Variants in SAXO2 observed in about 807,000 individuals in gnomAD.
SAXO2 encodes the protein family with sequence similarity 154, member B.
In SAXO2, 17 loss-of-function variants were observed where a neutral mutation model predicts 18.7. That is an observed-to-expected ratio of 0.91 (90% CI 0.62 to 1.36). The LOEUF is 1.36. SAXO2 is among the 40% of genes most tolerant of loss of function. The probability of loss-of-function intolerance (pLI) is 0.00; values close to 1 mark genes in which losing one functional copy is unlikely to be tolerated. For synonymous variants in SAXO2, 163 were observed against 181.2 expected, an observed-to-expected ratio of 0.90 and a Z score of 0.81; for missense variants, 486 against 562.6, an observed-to-expected ratio of 0.86 and a Z score of 1.38.
chr15:82,271,616 C>A lies in SAXO2; in HGVS notation c.247C>A (p.Pro83Thr). The A allele has an allele frequency of 6.2e-7, 1 of 1,612,078 alleles. No individual in the cohort carries two copies. The highest frequency in any genetic ancestry group is 1.1e-5 in the South Asian group (1 of 90,562). ...GITTFKSDYCPYEIVKQPRHV... is the reference protein window; with the variant it reads ...GITTFKSDYCTYEIVKQPRHV... Reference sequence around the variant, plus strand: ...TATATATTTCAGGTCGGATTATTGTCCTTATGAAATAGTTAAACAGCCTCG... The same window carrying A: ...TATATATTTCAGGTCGGATTATTGTACTTATGAAATAGTTAAACAGCCTCG... Residue 83 changes from proline to threonine, a missense_variant, in exon 3 of 4, where the codon CCT becomes ACT. Physicochemically the swap from Pro to Thr is conservative, Grantham distance 38. Coordinates refer to ENST00000682753, the MANE Select transcript of SAXO2 (RefSeq NM_001348699.2).
intron 3 of SAXO2, among the ~76,000 whole-genome samples, chr15:82,275,992 G>T (rs957639388): frequency 6.6e-6 from 1 of 152,088 alleles, no homozygotes; most frequent in Non-Finnish European, 1.5e-5. Context: ...ATTTATACAT[G>T]GGAAACCCTA....
At position 82,283,074 on chromosome 15, in the gene SAXO2, T is replaced by G; in HGVS notation, c.*12T>G. The G allele has an allele frequency of 1.3e-6, 2 of 1,561,924 alleles. No homozygotes were observed. Among genetic ancestry groups the G allele is most frequent in the Non-Finnish European group, 1.7e-6 (2 of 1,156,226 alleles). ...TGAAGGCCTTCTAATAACCAAAATG[T>G]GCTTAAAAGGAAGGTACTAGCAAGT... On this transcript the variant is annotated 3_prime_UTR_variant, in exon 4 of 4. Transcript: ENST00000682753.
chr15:82,283,188 T>G lies in SAXO2; in HGVS notation c.*126T>G. ...TTTTTATATTTTTAAACAAGAAAAT[T>G]GGAAAATATATTATAAGAAATCAGA... On this transcript the variant is annotated 3_prime_UTR_variant, in exon 4 of 4. Coordinates refer to ENST00000682753, the MANE Select transcript of SAXO2 (RefSeq NM_001348699.2). The G allele has an allele frequency of 1.7e-6, 1 of 595,028 alleles. No individual in the cohort carries two copies. The highest frequency in any genetic ancestry group is 3.4e-5 in the East Asian group (1 of 29,022). 36.9% of individuals were successfully genotyped at this position (595,028 alleles called of 1,614,324 possible).
At chr15:82,282,079 C>T in intron 3 of SAXO2, 40 bp from the exon 4 acceptor site, 1 of 1,491,800 alleles carries the variant, frequency 6.7e-7, no homozygotes. Context: ...TTGTTTTCTT[C>T]AGCATTTAAA....
chr15:82,269,485 A>G (rs921142631), intron 2 of SAXO2, among the ~76,000 whole-genome samples: 2 of 152,212 alleles, frequency 1.3e-5, no homozygotes, highest in African/African-American at 4.8e-5. Flanking sequence ...AGTTGAGGCT[A>G]GTGAAGAAGA....
chr15:82,270,641 G>A (rs995431037), intron 2 of SAXO2, among the ~76,000 whole-genome samples: 18 of 152,164 alleles, frequency 1.2e-4, no homozygotes, highest in African/African-American at 4.1e-4. Flanking sequence ...ATCACAAAAT[G>A]AGTCACGTGT....
rs1352863533 is a variant in SAXO2, at chr15:82,282,420, G to A, written c.735G>A (p.Arg245=). 1.9e-6 allele frequency: 3 copies of A among 1,614,044 alleles called. No homozygotes were observed. The highest frequency in any genetic ancestry group is 2.5e-6 in the Non-Finnish European group (3 of 1,180,040). The change falls in exon 4 of 4, where the codon CGG becomes CGA. Residue 245 remains arginine, a synonymous_variant. Transcript: ENST00000682753. Reference sequence around the variant, plus strand: ...GCTTTGAGGATCTCACAACTCACCGGTGTGACTTTCAGGGTCTCATTGGTG... The same window carrying A: ...GCTTTGAGGATCTCACAACTCACCGATGTGACTTTCAGGGTCTCATTGGTG... ...DQRFEDLTTH[R]CDFQGLIGET... is the part of the protein sequence containing the mutation.
intron 1 of SAXO2, among the ~76,000 whole-genome samples, chr15:82,265,055 C>T (rs2075201849): frequency 6.6e-6 from 1 of 152,222 alleles, no homozygotes; most frequent in African/African-American, 2.4e-5. Context: ...CACTTAATTG[C>T]TGTGCTTCCA....
At chr15:82,272,591 G>C (rs879697570) in intron 3 of SAXO2, among the ~76,000 whole-genome samples, 1 of 152,212 alleles carries the variant, frequency 6.6e-6, no homozygotes, top group Non-Finnish European at 1.5e-5. Context: ...ACCCAGGCTG[G>C]AGTGCAGTGG....
At chr15:82,265,895 G>T in intron 2 of SAXO2, 147 bp downstream of exon 2, 11 of 353,126 alleles carry the variant, frequency 3.1e-5, no homozygotes, top group East Asian at 5.1e-5. Context: ...GTCACAACTT[G>T]AAAAAAAAAA....
At position 82,283,378 on chromosome 15, in the gene SAXO2, T is replaced by C. The variant is rs1779980253; in HGVS notation, c.*316T>C. 1 of 172,564 alleles carries C rather than the reference T, an allele frequency of 5.8e-6. No homozygotes were observed. Among genetic ancestry groups the C allele is most frequent in the Non-Finnish European group, 1.2e-5 (1 of 82,008 alleles). 10.7% of individuals were successfully genotyped at this position (172,564 alleles called of 1,614,324 possible). A position where few individuals can be genotyped will look rare whatever the true frequency, so the allele number is the denominator to read the frequency against. On this transcript the variant is annotated 3_prime_UTR_variant, in exon 4 of 4. Transcript: ENST00000682753. ...TCATTTGTAATTCTGTTTATAATTA[T>C]GGCAATTGTATGGTTATTCACATAC...
chr15:82,264,791 C>T (rs555211187), intron 1 of SAXO2: 38 of 696,090 alleles, frequency 5.5e-5, no homozygotes, highest in Non-Finnish European at 8.1e-5. Context: ...AGGAAACCAG[C>T]TTGCAAATCA....
chr15:82,263,130 T>A (rs1402970529), intron 1 of SAXO2, 198 bp downstream of exon 1: 1 of 1,471,036 alleles, frequency 6.8e-7, no homozygotes, highest in Non-Finnish European at 8.9e-7. Context: ...GTAAAACGTT[T>A]GTTCGTAGCC....
intron 3 of SAXO2, among the ~76,000 whole-genome samples, chr15:82,274,494 G>A (rs1283732520): frequency 6.6e-6 from 1 of 151,912 alleles, no homozygotes; most frequent in Non-Finnish European, 1.5e-5. Flanking sequence ...ACAAGGTCAG[G>A]AGTTTGAGAC....
chr15:82,267,917 G>A (rs2075234849), intron 2 of SAXO2, among the ~76,000 whole-genome samples: 1 of 152,170 alleles, frequency 6.6e-6, no homozygotes, highest in African/African-American at 2.4e-5. Flanking sequence ...CAGCATTGGT[G>A]GTGATTCTGT....
At chr15:82,271,505 T>C (rs1030949494) in intron 2 of SAXO2, 98 bp from the exon 3 acceptor site, 4 of 1,040,426 alleles carry the variant, frequency 3.8e-6, no homozygotes, top group African/African-American at 3.3e-5. Context: ...ACTTTTCCAG[T>C]AAAAAAGAAA....
chr15:82,268,665 G>T (rs2075242105), intron 2 of SAXO2, among the ~76,000 whole-genome samples: 3 of 152,210 alleles, frequency 2.0e-5, no homozygotes, highest in Non-Finnish European at 1.5e-5. Flanking sequence ...ACTGTGTAAA[G>T]AGGTGTCTGA....
rs148875800 is a variant in SAXO2, at chr15:82,282,358, G to A, written c.673G>A (p.Glu225Lys). 1 of 1,614,022 alleles carries A rather than the reference G, an allele frequency of 6.2e-7. No homozygotes were observed. Among genetic ancestry groups the A allele is most frequent in the African/African-American group, 1.3e-5 (1 of 74,906 alleles). Residue 225 changes from glutamate (E) to lysine (K), a missense_variant, in exon 4 of 4, where the codon GAA (glutamate) becomes AAA (lysine). Coordinates refer to ENST00000682753, the MANE Select transcript of SAXO2 (RefSeq NM_001348699.2). The part of the protein sequence containing the change: ...YIPHQLELKF[E>K]RPKEVYKPTD... ...ACCTCATCAGCTTGAACTCAAGTTT[G>A]AAAGGCCAAAAGAAGTTTACAAACC...
At chr15:82,274,156 A>C (rs1435579771) in intron 3 of SAXO2, among the ~76,000 whole-genome samples, 10 of 152,018 alleles carry the variant, frequency 6.6e-5, no homozygotes, top group Admixed American at 6.5e-4. Context: ...CACTTATACC[A>C]ACACTACTAG....
Sources: allele counts gnomAD v4.1 joint callset (sites outside exome capture counted in the v4.1 genomes callset), GRCh38; gene constraint gnomAD v4.1.1; transcripts MANE v1.5; gene names NCBI Gene and HGNC (gene_info 2026-07-23, HGNC 2026-07-21).